PCDH7: variants seen among roughly 807,000 people sequenced by gnomAD.
PCDH7 encodes the protein protocadherin-7.
In PCDH7, 17 loss-of-function variants were observed where a neutral mutation model predicts 58.9. The ratio of observed to expected loss-of-function variants is 0.29; its 90% CI spans 0.20 to 0.43. The LOEUF (loss-of-function observed/expected upper bound fraction) is 0.43, where lower values mean the gene tolerates loss of function less well. Among genes scored for constraint, PCDH7 ranks in the 20% least tolerant of loss-of-function variants. The pLI is 1.00. For missense variants in PCDH7, 1,274 were observed against 1,441.0 expected, an observed-to-expected ratio of 0.88 and a Z score of 1.88; for synonymous variants, 664 against 616.4, an observed-to-expected ratio of 1.08 and a Z score of -1.14.
At chr4:30,933,146 G>C (rs1578336605) in intron 2 of PCDH7, among the ~76,000 whole-genome samples, 1 of 151,700 alleles carries the variant, frequency 6.6e-6, no homozygotes, top group Non-Finnish European at 1.5e-5. Flanking sequence ...CCTGCCTCAG[G>C]CTCCCAAGTA....
intron 1 of PCDH7, among the ~76,000 whole-genome samples, chr4:30,779,811 C>G (rs1215999818): frequency 6.6e-6 from 1 of 152,164 alleles, no homozygotes; most frequent in African/African-American, 2.4e-5. Context: ...GTTCAAGGCT[C>G]CCCAAGTAGC....
chr4:30,884,944 A>C (rs563912830), intron 1 of PCDH7: 99 of 152,240 alleles, frequency 6.5e-4, no homozygotes, highest in African/African-American at 2.3e-3. Flanking sequence ...GTCTGATGAA[A>C]CCCTTAAAGG....
intron 1 of PCDH7, among the ~76,000 whole-genome samples, chr4:30,742,026 C>T (rs1264158424): frequency 3.3e-5 from 5 of 152,174 alleles, no homozygotes; most frequent in African/African-American, 4.8e-5. Flanking sequence ...ACCAGGAATA[C>T]GCTTGTGAGT....
intron 3 of PCDH7, among the ~76,000 whole-genome samples, chr4:31,049,663 G>T (rs1176060434): frequency 6.6e-6 from 1 of 152,100 alleles, no homozygotes. Context: ...GCTGGTTACA[G>T]GGTCAGACGC....
intron 1 of PCDH7, among the ~76,000 whole-genome samples, chr4:30,815,137 C>T (rs1021330190): frequency 6.6e-6 from 1 of 151,614 alleles, no homozygotes; most frequent in African/African-American, 2.4e-5. Context: ...TATGTGCATG[C>T]ATATATAAAT....
chr4:30,879,626 C>T (rs372927382), intron 1 of PCDH7, among the ~76,000 whole-genome samples: 12 of 152,202 alleles, frequency 7.9e-5, no homozygotes, highest in African/African-American at 2.9e-4. Context: ...CTCACAGGGA[C>T]CCTGACCACT....
At chr4:30,745,343 T>C (rs1717642092) in intron 1 of PCDH7, among the ~76,000 whole-genome samples, 1 of 152,062 alleles carries the variant, frequency 6.6e-6, no homozygotes, top group Non-Finnish European at 1.5e-5. Context: ...CAATTTCTAA[T>C]TATTTTTAGG....
At chr4:30,964,087 T>C (rs1267400029) in intron 3 of PCDH7, among the ~76,000 whole-genome samples, 1 of 152,184 alleles carries the variant, frequency 6.6e-6, no homozygotes, top group African/African-American at 2.4e-5. Context: ...TTATATTATC[T>C]TATTCCAATA....
chr4:31,079,801 C>T (rs1264713679), intron 3 of PCDH7, among the ~76,000 whole-genome samples: 3 of 151,898 alleles, frequency 2.0e-5, no homozygotes, highest in African/African-American at 7.3e-5. Flanking sequence ...AAGTCTAGAT[C>T]AACACATTTG....
At chr4:30,854,441 G>T (rs1733189419) in intron 1 of PCDH7, among the ~76,000 whole-genome samples, 1 of 151,358 alleles carries the variant, frequency 6.6e-6, no homozygotes, top group African/African-American at 2.4e-5. Flanking sequence ...TGTTTTGTTT[G>T]TTTGTTTGTT....
chr4:31,130,289 T>C (rs1718818969), intron 3 of PCDH7, among the ~76,000 whole-genome samples: 1 of 152,172 alleles, frequency 6.6e-6, no homozygotes, highest in Admixed American at 6.5e-5. Flanking sequence ...ATTTAAGGTG[T>C]GTTGATTGAT....
At chr4:30,771,410 A>G (rs1721379322) in intron 1 of PCDH7, among the ~76,000 whole-genome samples, 1 of 152,166 alleles carries the variant, frequency 6.6e-6, no homozygotes, top group Non-Finnish European at 1.5e-5. Context: ...CCACCTTCAG[A>G]AAAGCCATAA....
intron 1 of PCDH7, among the ~76,000 whole-genome samples, chr4:30,749,876 TTTAGGTGCAGGATTATTAGGTG>T (rs1718277591): frequency 6.6e-6 from 1 of 152,208 alleles, no homozygotes; most frequent in Non-Finnish European, 1.5e-5. Context: ...TTGTAGAATT[TTTAGGTGCAGGATTATTAGGTG>T]CTGTAACTGT....
At chr4:30,817,844 A>G (rs1727891407) in intron 1 of PCDH7, among the ~76,000 whole-genome samples, 3 of 152,188 alleles carry the variant, frequency 2.0e-5, no homozygotes, top group South Asian at 2.1e-4. Flanking sequence ...TTTTAAAACC[A>G]TAGCCAGAAC....
At chr4:30,732,295 T>C (rs1715621932) in exon 2 of PCDH7, 1 of 152,224 alleles carries the variant, frequency 6.6e-6, no homozygotes, top group African/African-American at 2.4e-5. Context: ...CTCTGCTTCT[T>C]GAAAATGCTG....
chr4:30,850,208 AT>A (rs1327532526), intron 1 of PCDH7, among the ~76,000 whole-genome samples: 10 of 152,100 alleles, frequency 6.6e-5, no homozygotes, highest in Admixed American at 6.6e-4. Flanking sequence ...TGTACATATT[AT>A]TTGTGGTTGA....
chr4:31,048,225 G>A (rs1237016136), intron 3 of PCDH7, among the ~76,000 whole-genome samples: 2 of 151,870 alleles, frequency 1.3e-5, no homozygotes, highest in Non-Finnish European at 2.9e-5. Context: ...GAATATCTCA[G>A]GAGTCTTGAA....
chr4:30,724,092 G>T (rs376057397), exon 1 of PCDH7: 2 of 1,613,982 alleles, frequency 1.2e-6, no homozygotes, highest in Admixed American at 3.3e-5. Flanking sequence ...GCATTATGAC[G>T]GTGATTCTAA....
At chr4:30,935,899 G>T (rs1470503623) in intron 2 of PCDH7, among the ~76,000 whole-genome samples, 3 of 151,934 alleles carry the variant, frequency 2.0e-5, no homozygotes, top group Non-Finnish European at 4.4e-5. Context: ...CACCCCAATT[G>T]CAATACAATT....
Sources: gnomAD v4.1 joint callset for allele counts (sites outside exome capture counted in the v4.1 genomes callset) on GRCh38, gnomAD v4.1.1 for gene constraint, MANE v1.5 for transcripts, NCBI Gene and HGNC (gene_info 2026-07-23, HGNC 2026-07-21) for gene names.